Variants in RAPGEF4 observed in about 807,000 individuals in gnomAD.
The protein encoded by RAPGEF4 is RAP guanine-nucleotide-exchange factor (GEF) 4.
RAPGEF4 carries 66 observed loss-of-function variants against 147.9 expected under a neutral mutation model. The observed-to-expected ratio is 0.45, with a 90% CI of 0.37 to 0.55. The LOEUF (loss-of-function observed/expected upper bound fraction) is 0.55. RAPGEF4 is among the 20% of genes least tolerant of loss of function. The probability of loss-of-function intolerance (pLI) is 0.00; values close to 1 mark genes in which losing one functional copy is unlikely to be tolerated. For missense variants in RAPGEF4, 1,071 were observed against 1,257.3 expected (o/e 0.85, Z 2.24); for synonymous variants, 419 against 442.7 (o/e 0.95, Z 0.67).
intron 3 of RAPGEF4, among the ~76,000 whole-genome samples, chr2:172,802,980 C>T (rs537324467): frequency 2.2e-4 from 33 of 152,284 alleles, no homozygotes; most frequent in Admixed American, 4.6e-4. Context: ...AGGTGGAAGG[C>T]GTGTTCCCAT....
chr2:172,922,341 A>G (rs368611277), intron 6 of RAPGEF4, 41 bp downstream of exon 6: 26 of 1,563,502 alleles, frequency 1.7e-5, no homozygotes, highest in Non-Finnish European at 2.2e-5. Flanking sequence ...AAAAATTGTT[A>G]TAAGGTAAAA....
chr2:172,796,098 G>A (rs1221546777), intron 2 of RAPGEF4, among the ~76,000 whole-genome samples: 1 of 152,112 alleles, frequency 6.6e-6, no homozygotes, highest in African/African-American at 2.4e-5. Flanking sequence ...GACTGATTTA[G>A]ACCAATCATG....
chr2:172,926,037 G>GGGAGGGAGGGAGGGAC (rs1685319286), intron 6 of RAPGEF4, among the ~76,000 whole-genome samples: 2 of 25,870 alleles, frequency 7.7e-5, no homozygotes, highest in African/African-American at 2.2e-4. Flanking sequence ...GAGGGACGGA[G>GGGAGGGAGGGAGGGAC]GGAGGGAGGG....
chr2:172,884,666 C>A (rs187847792), intron 4 of RAPGEF4, among the ~76,000 whole-genome samples: 2 of 152,336 alleles, frequency 1.3e-5, no homozygotes, highest in East Asian at 3.9e-4. Flanking sequence ...CTGGTCCACA[C>A]ATGTGTGCCC....
At chr2:173,014,647 T>G (rs770002965) in intron 18 of RAPGEF4, 33 bp downstream of exon 18, 17 of 1,599,854 alleles carry the variant, frequency 1.1e-5, no homozygotes, top group Non-Finnish European at 1.4e-5. Context: ...AAGAATATAC[T>G]GTTGTCCTGC....
intron 1 of RAPGEF4, among the ~76,000 whole-genome samples, chr2:172,785,803 C>A (rs1005477193): frequency 3.3e-5 from 5 of 152,064 alleles, no homozygotes; most frequent in Admixed American, 2.6e-4. Flanking sequence ...CCTCCCTCCC[C>A]CTTTCTCTCC....
At chr2:172,740,349 G>A (rs993768711) in intron 1 of RAPGEF4, among the ~76,000 whole-genome samples, 1 of 152,194 alleles carries the variant, frequency 6.6e-6, no homozygotes, top group South Asian at 2.1e-4. Context: ...AGGAACACTG[G>A]CCGTCACAGC....
Position 173,051,620 on chromosome 2 carries a change from G to A in RAPGEF4, c.2909-20G>A, listed in dbSNP as rs201149929. The A allele has an allele frequency of 1.9e-6, 3 of 1,611,014 alleles. No individual in the cohort carries two copies. Among genetic ancestry groups the A allele is most frequent in the South Asian group, 1.1e-5 (1 of 90,818 alleles). ...ACATATATTACACAATGCCAATTCT[G>A]CCCTTTCCTCTTTCAACAGATCCTG... On this transcript the variant is annotated intron_variant, in intron 30 of 30. Transcript: ENST00000397081.
rs1686580374 is a variant in RAPGEF4, at chr2:172,936,466, T to C, written c.537+14166T>C. 2.0e-5 allele frequency among the ~76,000 whole-genome samples: 3 copies of C among 152,218 alleles called. 1 individual carries two copies. In the South Asian group the frequency reaches 6.2e-4, roughly 32 times the overall value. On this transcript the variant is annotated intron_variant, in intron 6 of 30. Coordinates refer to ENST00000397081, the MANE Select transcript of RAPGEF4 (RefSeq NM_007023.4). ...ATACAAATAGAAACAAAATTTAGTT[T>C]ACACTGTATATATAGTTTCATATTC...
At chr2:172,958,195 A>ATC (rs1688936603) in intron 6 of RAPGEF4, among the ~76,000 whole-genome samples, 1 of 152,266 alleles carries the variant, frequency 6.6e-6, no homozygotes, top group African/African-American at 2.4e-5. Context: ...TCCCATACCC[A>ATC]TCTACTCTAG....
At chr2:172,907,830 T>C (rs1041675673) in intron 4 of RAPGEF4, among the ~76,000 whole-genome samples, 1 of 152,200 alleles carries the variant, frequency 6.6e-6, no homozygotes, top group Admixed American at 6.5e-5. Context: ...ATTATTATTA[T>C]TACTACTACT....
intron 4 of RAPGEF4, among the ~76,000 whole-genome samples, chr2:172,875,314 T>G (rs1249729186): frequency 7.9e-5 from 12 of 152,210 alleles, no homozygotes; most frequent in Non-Finnish European, 1.6e-4. Context: ...AGACATGAAG[T>G]CCTTGCCCAT....
At chr2:173,048,732 T>C (rs2106094269) in intron 30 of RAPGEF4, 78 bp downstream of exon 30, 5 of 1,599,308 alleles carry the variant, frequency 3.1e-6, no homozygotes, top group Non-Finnish European at 4.3e-6. Context: ...TGAGACACCC[T>C]TGGAGCCTGG....
At position 172,874,119 on chromosome 2, in the gene RAPGEF4, C is replaced by A. The variant is rs1273284806; in HGVS notation, c.445-43683C>A. 1.3e-5 allele frequency among the ~76,000 whole-genome samples: 2 copies of A among 152,116 alleles called. 1 individual carries two copies. Among genetic ancestry groups the A allele is most frequent in the Admixed American group, 1.3e-4 (2 of 15,274 alleles). On this transcript the variant is annotated intron_variant, in intron 4 of 30. Coordinates refer to ENST00000397081, the MANE Select transcript of RAPGEF4 (RefSeq NM_007023.4). Reference sequence around the variant, plus strand: ...TTGGTGGGAGTATAAATTAGTTCAACCATTGTGGAAGACAGTGTGGTAATT... The same window carrying A: ...TTGGTGGGAGTATAAATTAGTTCAAACATTGTGGAAGACAGTGTGGTAATT...
At chr2:172,779,538 C>T (rs566821990) in intron 1 of RAPGEF4, among the ~76,000 whole-genome samples, 75 of 152,174 alleles carry the variant, frequency 4.9e-4, no homozygotes, top group Middle Eastern at 3.4e-3. Context: ...TAGTAGGAGA[C>T]GAGGTTCCAA....
intron 3 of RAPGEF4, among the ~76,000 whole-genome samples, chr2:172,812,718 C>T (rs940316575): frequency 2.0e-5 from 3 of 152,140 alleles, no homozygotes; most frequent in African/African-American, 7.2e-5. Flanking sequence ...TACTTAGGGT[C>T]CATTTCAGGT....
chr2:172,898,091 G>A (rs1208387289), intron 4 of RAPGEF4, among the ~76,000 whole-genome samples: 1 of 152,194 alleles, frequency 6.6e-6, no homozygotes, highest in Non-Finnish European at 1.5e-5. Context: ...AGTGACCAAA[G>A]TGGATCCGAG....
chr2:172,897,590 CAG>C (rs200775227), intron 4 of RAPGEF4, among the ~76,000 whole-genome samples: 2,734 of 151,876 alleles, frequency 0.018, 93 homozygotes, highest in South Asian at 0.13. Context: ...TTTGTAGAGA[CAG>C]AGTCTTGCTT....
At chr2:172,946,640 A>G (rs150161232) in intron 6 of RAPGEF4, among the ~76,000 whole-genome samples, 113 of 152,246 alleles carry the variant, frequency 7.4e-4, no homozygotes, top group African/African-American at 2.5e-3. Flanking sequence ...GTTCATCCTA[A>G]AGACCCTGTT....
Sources: allele counts gnomAD v4.1 joint callset (sites outside exome capture counted in the v4.1 genomes callset), GRCh38; gene constraint gnomAD v4.1.1; transcripts MANE v1.5; gene names NCBI Gene and HGNC (gene_info 2026-07-23, HGNC 2026-07-21).